ATAD3B: variants seen among roughly 807,000 people sequenced by gnomAD.
The protein encoded by ATAD3B is ATPase family AAA domain-containing protein 3B.
A neutral mutation model predicts 70.2 loss-of-function variants in ATAD3B; 59 were observed. The ratio of observed to expected loss-of-function variants is 0.84; its 90% CI spans 0.68 to 1.04. The LOEUF (loss-of-function observed/expected upper bound fraction) is 1.04, where lower values mean the gene tolerates loss of function less well. ATAD3B is among the 50% of genes least tolerant of loss of function. The pLI is 0.00. For missense variants in ATAD3B, 961 were observed against 913.4 expected (o/e 1.05, Z -0.67); for synonymous variants, 423 against 388.6 (o/e 1.09, Z -1.04).
chr1:1,504,641 ACT>A, the ATAD3B span, among the ~76,000 whole-genome samples: 2 of 147,984 alleles, frequency 1.4e-5, no homozygotes, highest in Non-Finnish European at 3.0e-5. Context: ...CAAGAGGGAA[ACT>A]CTGTCTCAAA....
At position 1,495,711 on chromosome 1, in the gene ATAD3B, G is replaced by C; in HGVS notation, c.1841G>C (p.Arg614Thr). The C allele has an allele frequency of 6.2e-7, 1 of 1,613,336 alleles. No individual in the cohort carries two copies. The stretch of plus-strand genomic sequence containing the variant: ...TGCCTTGCCGGCCCCTGCACATTTA[G>C]GATATGCTCCTGGATGGGGACTGGG... ...YPCLAGPCTF[R>T]ICSWMGTGLC... The change falls in exon 16 of 16, where the codon AGG becomes ACG. Residue 614 changes from arginine to threonine, a missense_variant. By Grantham distance (71) the Arg-to-Thr change is moderately conservative. Coordinates refer to ENST00000673477, the MANE Select transcript of ATAD3B (RefSeq NM_031921.6).
chr1:1,495,868 G>A lies in ATAD3B; in HGVS notation c.*51G>A. On this transcript the variant is annotated 3_prime_UTR_variant, in exon 16 of 16. Transcript: ENST00000673477. ...CCTTCCTGCCCCTCGAGACACTCTT[G>A]GGAGATGCATTTTCCGTCTGGCTCA... 1.3e-6 allele frequency: 2 copies of A among 1,498,016 alleles called. No homozygotes were observed. The highest frequency in any genetic ancestry group is 1.8e-6 in the Non-Finnish European group (2 of 1,128,968). 92.8% of individuals were successfully genotyped at this position (1,498,016 alleles called of 1,614,324 possible).
chr1:1,475,514 C>T (rs942724279), intron 1 of ATAD3B, among the ~76,000 whole-genome samples: 28 of 152,072 alleles, frequency 1.8e-4, no homozygotes, highest in African/African-American at 6.7e-4. Context: ...ACGGGCGGCT[C>T]CTCCTCACCG....
intron 15 of ATAD3B, among the ~76,000 whole-genome samples, chr1:1,492,255 G>A (rs1298392103): frequency 1.3e-5 from 2 of 151,990 alleles, no homozygotes; most frequent in Non-Finnish European, 2.9e-5. Flanking sequence ...GGGAGGCCAA[G>A]GAGAGAAGAT....
At chr1:1,473,095 T>G (rs1403315265) in intron 1 of ATAD3B, among the ~76,000 whole-genome samples, 1 of 150,000 alleles carries the variant, frequency 6.7e-6, no homozygotes, top group Non-Finnish European at 1.5e-5. Flanking sequence ...AGTGTTGGGA[T>G]TACAGGCCTG....
At chr1:1,490,536 T>G in intron 14 of ATAD3B, 27 bp from the exon 15 acceptor site, 1 of 1,611,574 alleles carries the variant, frequency 6.2e-7, no homozygotes, top group Non-Finnish European at 8.5e-7. Flanking sequence ...CGGCCTTGGC[T>G]GCCTCACTTG....
At chr1:1,493,986 C>G (rs1640656229) in intron 15 of ATAD3B, among the ~76,000 whole-genome samples, 1 of 151,924 alleles carries the variant, frequency 6.6e-6, no homozygotes, top group Admixed American at 6.6e-5. Flanking sequence ...AGGAGTGGTA[C>G]TGATTCTTCT....
chr1:1,495,490 G>A lies in ATAD3B; in HGVS notation c.1620G>A (p.Thr540=), dbSNP rs757100078. ...GCTCCCTCTCTCTTCACTAGGCCAC[G>A]GCATATGCCTCCAAGGACGGGGTCC... is the stretch of plus-strand genomic sequence containing the variant. ...IAQLAVSWQA[T]AYASKDGVLT... The change falls in exon 16 of 16, where the codon ACG becomes ACA. Residue 540 remains threonine (T), a synonymous_variant. Transcript: ENST00000673477. 3.4e-5 allele frequency: 54 copies of A among 1,603,324 alleles called. 1 individual carries two copies. The highest frequency in any genetic ancestry group is 1.0e-4 in the South Asian group (9 of 90,254).
At position 1,496,277 on chromosome 1, in the gene ATAD3B, G is replaced by A. The variant is rs1640791990; in HGVS notation, c.*460G>A. 3 of 977,544 alleles carry A rather than the reference G, an allele frequency of 3.1e-6. No individual in the cohort carries two copies. Among genetic ancestry groups the A allele is most frequent in the Middle Eastern group, 5.1e-4 (1 of 1,942 alleles). The allele number at this position is 977,544 out of a possible 1,614,324, so 60.6% of individuals were successfully genotyped here. On this transcript the variant is annotated 3_prime_UTR_variant, in exon 16 of 16. Transcript: ENST00000673477. ...CTAGCGTCCTCCTGGGGTCAAAGGTGACATAAGAGGCAGAGGCTGGAGCTT... is the reference window on the plus strand; with the variant it reads ...CTAGCGTCCTCCTGGGGTCAAAGGTAACATAAGAGGCAGAGGCTGGAGCTT...
chr1:1,503,737 C>T, the ATAD3B span: 26 of 1,582,946 alleles, frequency 1.6e-5, no homozygotes, highest in Middle Eastern at 2.3e-4. Flanking sequence ...GGGCTACTGC[C>T]GGTGGGTAGG....
At chr1:1,507,906 G>A in the ATAD3B span, among the ~76,000 whole-genome samples, 6 of 152,320 alleles carry the variant, frequency 3.9e-5, no homozygotes, top group South Asian at 2.1e-4. Flanking sequence ...CGTGGTGAAC[G>A]TCATGTGTCA....
At chr1:1,500,519 T>G (rs1640920200), downstream of ATAD3B, among the ~76,000 whole-genome samples, 1 of 139,230 alleles carries the variant, frequency 7.2e-6, no homozygotes. Context: ...GCCACTGCCC[T>G]CCAGTCTCTG....
At chr1:1,477,373 A>G (rs1240840716) in intron 2 of ATAD3B, 23 bp downstream of exon 2, 3 of 1,611,672 alleles carry the variant, frequency 1.9e-6, no homozygotes, top group African/African-American at 2.7e-5. Flanking sequence ...GGTGTGGGCG[A>G]GGAGGCCGGG....
downstream of ATAD3B, among the ~76,000 whole-genome samples, chr1:1,500,474 C>A (rs1640918908): frequency 6.7e-6 from 1 of 148,594 alleles, no homozygotes; most frequent in African/African-American, 2.5e-5. Context: ...ATGGCGTGAA[C>A]CCAGGAGGCG....
chr1:1,475,952 G>C (rs1286056558), intron 1 of ATAD3B, among the ~76,000 whole-genome samples: 2 of 150,150 alleles, frequency 1.3e-5, no homozygotes, highest in Non-Finnish European at 2.9e-5. Flanking sequence ...GCTCCTCACC[G>C]TGACACCCAC....
In ATAD3B at chr1:1,485,274, C is replaced by A; in HGVS notation, c.906+103C>A. The A allele has an allele frequency of 1.3e-6, 2 of 1,515,422 alleles. 1 individual carries two copies. Among genetic ancestry groups the A allele is most frequent in the South Asian group, 2.5e-5 (2 of 79,220 alleles). 93.9% of individuals were successfully genotyped at this position (1,515,422 alleles called of 1,614,324 possible). On this transcript the variant is annotated intron_variant, in intron 8 of 15. Transcript: ENST00000673477. ...CACCCTCCCGTCCCTTCCCTTTCCC[C>A]GGATAACAGGCACCCGCACGCTGCT...
At chr1:1,478,565 A>C (rs529874726) in intron 2 of ATAD3B, 79 bp from the exon 3 acceptor site, 1 of 1,550,654 alleles carries the variant, frequency 6.4e-7, no homozygotes, top group East Asian at 2.4e-5. Flanking sequence ...GCCGTGCCGG[A>C]GCTGTGCAGA....
chr1:1,477,399 A>G, intron 2 of ATAD3B, 49 bp downstream of exon 2: 1 of 1,610,126 alleles, frequency 6.2e-7, no homozygotes, highest in Non-Finnish European at 8.5e-7. Context: ...CATGGGGTTC[A>G]GGCGTGGAGA....
chr1:1,476,493 C>T (rs1368205713), intron 1 of ATAD3B, among the ~76,000 whole-genome samples: 2 of 150,870 alleles, frequency 1.3e-5, no homozygotes, highest in Admixed American at 6.7e-5. Flanking sequence ...GCCTACTTTA[C>T]ACGTCTTTCT....
Sources: allele counts gnomAD v4.1 joint callset (sites outside exome capture counted in the v4.1 genomes callset), GRCh38; gene constraint gnomAD v4.1.1; transcripts MANE v1.5; gene names NCBI Gene and HGNC (gene_info 2026-07-23, HGNC 2026-07-21).